The following ATAD2B variants were observed in gnomAD, a reference collection of about 807,000 sequenced individuals.
ATAD2B encodes the protein ATPase family AAA domain-containing protein 2B.
A neutral mutation model predicts 167.6 loss-of-function variants in ATAD2B; 40 were observed. The observed-to-expected ratio is 0.24, with a 90% CI of 0.19 to 0.31. The LOEUF is 0.31. Ranked by LOEUF, ATAD2B falls within the 10% of genes least tolerant of loss-of-function variation. The probability of loss-of-function intolerance (pLI) is 1.00; values close to 1 mark genes in which losing one functional copy is unlikely to be tolerated. For missense variants in ATAD2B, 1,242 were observed against 1,757.2 expected (o/e 0.71, Z 5.24); for synonymous variants, 579 against 596.5 (o/e 0.97, Z 0.43).
At chr2:23,695,367 A>C in the ATAD2B span, among the ~76,000 whole-genome samples, 5 of 151,670 alleles carry the variant, frequency 3.3e-5, no homozygotes, top group African/African-American at 1.2e-4. The surrounding 1 kb of genome is among the most constrained non-coding windows in gnomAD (Gnocchi z 7.6). Context: ...GGATGAACAC[A>C]TGCTCCCACT....
rs112164974 is a variant in ATAD2B at position 23,778,217 on chromosome 2, CA to C, written c.3133+4651del. Reference sequence around the variant, plus strand: ...ATTTGAACAATATCACTTTTTGTATCAGAACAAGTGAAGAAAGCAGAGCCAT... The same window carrying C: ...ATTTGAACAATATCACTTTTTGTATCGAACAAGTGAAGAAAGCAGAGCCAT... On this transcript the variant is annotated intron_variant, in intron 22 of 27. Transcript: ENST00000238789. Among the ~76,000 whole-genome samples, 775 of 152,076 alleles carry C rather than the reference CA, an allele frequency of 5.1e-3. 7 individuals carry two copies. The highest frequency in any genetic ancestry group is 0.016 in the African/African-American group (673 of 41,484).
intron 21 of ATAD2B, among the ~76,000 whole-genome samples, chr2:23,785,343 A>C (rs1680663834): frequency 1.3e-5 from 2 of 152,154 alleles, no homozygotes; most frequent in Non-Finnish European, 2.9e-5. Flanking sequence ...CATTGTGTTC[A>C]TCCACACACT....
chr2:23,883,693 C>T (rs889799397), intron 6 of ATAD2B: 2 of 870,864 alleles, frequency 2.3e-6, no homozygotes, highest in African/African-American at 3.6e-5. Context: ...ATCACCTCTT[C>T]AAAATTGACT....
chr2:23,762,157 A>G (rs1293111326), intron 24 of ATAD2B, 52 bp downstream of exon 24: 24 of 1,579,736 alleles, frequency 1.5e-5, no homozygotes, highest in Non-Finnish European at 1.9e-5. Context: ...TAACATATCT[A>G]CATCATTCTC....
intron 1 of ATAD2B, among the ~76,000 whole-genome samples, chr2:23,903,364 T>C (rs1188429848): frequency 6.6e-6 from 1 of 152,184 alleles, no homozygotes; most frequent in Non-Finnish European, 1.5e-5. Context: ...AAGGATGAGA[T>C]AACTTCCAAG....
chr2:23,736,855 T>G, the ATAD2B span, among the ~76,000 whole-genome samples: 267 of 152,260 alleles, frequency 1.8e-3, no homozygotes, highest in Non-Finnish European at 3.2e-3. Flanking sequence ...AATACTGCGC[T>G]TTTCCAACGG....
At chr2:23,684,986 G>A in the ATAD2B span, among the ~76,000 whole-genome samples, 1 of 152,304 alleles carries the variant, frequency 6.6e-6, no homozygotes, top group East Asian at 1.9e-4. The surrounding 1 kb of genome is among the most constrained non-coding windows in gnomAD (Gnocchi z 4.4). Flanking sequence ...AAAGCGCATC[G>A]GCCAGGCTGT....
intron 1 of ATAD2B, among the ~76,000 whole-genome samples, chr2:23,900,198 G>A (rs895323048): frequency 2.0e-5 from 3 of 151,758 alleles, no homozygotes; most frequent in Admixed American, 6.6e-5. Flanking sequence ...TTAGAAGCAT[G>A]AGCCACCACG....
chr2:23,854,865 C>T (rs1240803217), intron 13 of ATAD2B, among the ~76,000 whole-genome samples: 3 of 151,940 alleles, frequency 2.0e-5, no homozygotes, highest in Admixed American at 1.3e-4. Context: ...ACTAAGCAAA[C>T]AAAGATACAA....
intron 12 of ATAD2B, among the ~76,000 whole-genome samples, chr2:23,859,048 C>T (rs1288096981): frequency 6.6e-6 from 1 of 152,036 alleles, no homozygotes; most frequent in South Asian, 2.1e-4. Context: ...AAATTGCCAT[C>T]CACTGAAGTA....
At chr2:23,793,686 G>T (rs947048580) in intron 19 of ATAD2B, among the ~76,000 whole-genome samples, 8 of 152,194 alleles carry the variant, frequency 5.3e-5, no homozygotes, top group Non-Finnish European at 1.2e-4. Flanking sequence ...TCAACTGTTA[G>T]TTCCTTTTTT....
intron 1 of ATAD2B, among the ~76,000 whole-genome samples, chr2:23,926,173 G>A (rs1239631327): frequency 6.6e-6 from 1 of 152,168 alleles, no homozygotes; most frequent in Non-Finnish European, 1.5e-5. Flanking sequence ...GTTTGACACC[G>A]CAGAAAACTT....
the ATAD2B span, chr2:23,707,453 C>A: frequency 6.6e-6 from 1 of 152,156 alleles, no homozygotes; most frequent in East Asian, 1.9e-4. Context: ...TGTGGGAATT[C>A]CCAAAGCTCT....
At chr2:23,701,754 G>A in the ATAD2B span, among the ~76,000 whole-genome samples, 141 of 144,296 alleles carry the variant, frequency 9.8e-4, no homozygotes, top group African/African-American at 3.4e-3. Flanking sequence ...TCTAGATAAA[G>A]CCCAACTCCT....
rs763273204 is a variant in ATAD2B at position 23,798,205 on chromosome 2, A to G, written c.2573T>C (p.Ile858Thr). 5.0e-6 allele frequency: 8 copies of G among 1,607,468 alleles called. No individual in the cohort carries two copies. In the Admixed American group the frequency reaches 6.7e-5, roughly 13 times the overall value. ...TAAAAATATAGGTGAAAATGATGGT[A>G]TATCTTGTAGCAATGTCAGAAAAGT... The part of the protein sequence containing the change: ...RATFLTLLQD[I>T]PSFSPIFLLS... The change falls in exon 19 of 28, where the codon ATA (isoleucine) becomes ACA (threonine). Residue 858 changes from isoleucine to threonine, a missense_variant. Physicochemically the swap from Ile to Thr is moderately conservative, Grantham distance 89 (BLOSUM62 -1). Coordinates refer to ENST00000238789, the MANE Select transcript of ATAD2B (RefSeq NM_017552.4).
At chr2:23,807,912 A>C (rs1271516975) in intron 18 of ATAD2B, among the ~76,000 whole-genome samples, 1 of 132,794 alleles carries the variant, frequency 7.5e-6, no homozygotes, top group Admixed American at 8.5e-5. Flanking sequence ...ATATAAATAT[A>C]AATATATAAA....
intron 19 of ATAD2B, among the ~76,000 whole-genome samples, chr2:23,795,271 T>C (rs1326676735): frequency 1.3e-5 from 2 of 152,204 alleles, no homozygotes; most frequent in African/African-American, 4.8e-5. Context: ...TACACATTGA[T>C]TTATTACCTG....
chr2:23,711,342 C>CTTTTT, the ATAD2B span, among the ~76,000 whole-genome samples: 90 of 79,790 alleles, frequency 1.1e-3, 12 homozygotes, highest in Non-Finnish European at 1.5e-3. Context: ...GAATTTCTTT[C>CTTTTT]TTTTTTTTTT....
intron 22 of ATAD2B, among the ~76,000 whole-genome samples, chr2:23,776,493 T>C (rs1283630873): frequency 6.6e-6 from 1 of 152,210 alleles, no homozygotes; most frequent in Admixed American, 6.5e-5. Flanking sequence ...ACAGAGAATA[T>C]TTAACAAAAA....
Sources: allele counts gnomAD v4.1 joint callset (sites outside exome capture counted in the v4.1 genomes callset), GRCh38; gene constraint gnomAD v4.1.1; non-coding constraint Gnocchi (gnomAD v3.1); transcripts MANE v1.5; gene names NCBI Gene and HGNC (gene_info 2026-07-23, HGNC 2026-07-21).